The following NKAIN3 variants were observed in gnomAD, a reference collection of about 807,000 sequenced individuals.
NKAIN3 encodes sodium/potassium-transporting ATPase subunit beta-1-interacting protein 3.
In NKAIN3, 25 loss-of-function variants were observed where a neutral mutation model predicts 30.2. That is an observed-to-expected ratio of 0.83 (90% CI 0.60 to 1.16). The LOEUF (loss-of-function observed/expected upper bound fraction) is 1.16. Ranked by LOEUF, NKAIN3 falls within the 50% of genes most tolerant of loss-of-function variation. The pLI, the probability that NKAIN3 is intolerant of heterozygous loss-of-function variation, is 0.00. For missense variants in NKAIN3, 225 were observed against 254.1 expected (o/e 0.89, Z 0.78); for synonymous variants, 91 against 89.6 (o/e 1.02, Z -0.09).
chr8:62,409,314 AG>A, intron 1 of NKAIN3, among the ~76,000 whole-genome samples: 1 of 152,260 alleles, frequency 6.6e-6, no homozygotes, highest in Admixed American at 6.5e-5. Flanking sequence ...CCTGCCAAGT[AG>A]CTGGGATTAC....
At chr8:62,899,342 A>G (rs1821530954) in intron 4 of NKAIN3, among the ~76,000 whole-genome samples, 1 of 152,222 alleles carries the variant, frequency 6.6e-6, no homozygotes. Context: ...AATGTCCATC[A>G]ACAAATGAAT....
At chr8:62,493,205 C>A (rs984345860) in intron 1 of NKAIN3, among the ~76,000 whole-genome samples, 1 of 151,002 alleles carries the variant, frequency 6.6e-6, no homozygotes, top group Non-Finnish European at 1.5e-5. Flanking sequence ...CTTTTATCTA[C>A]CTTGAGGAAG....
At chr8:62,801,300 G>C (rs545884549) in intron 4 of NKAIN3, among the ~76,000 whole-genome samples, 2 of 152,156 alleles carry the variant, frequency 1.3e-5, no homozygotes, top group Admixed American at 6.5e-5. Flanking sequence ...ATCTGAGAAC[G>C]GGCAGACTGC....
chr8:62,453,645 GA>G (rs1005915335), intron 1 of NKAIN3, among the ~76,000 whole-genome samples: 3 of 151,794 alleles, frequency 2.0e-5, no homozygotes, highest in African/African-American at 7.3e-5. Context: ...GGCTAATAAA[GA>G]AAAAAAGAGA....
intron 3 of NKAIN3, among the ~76,000 whole-genome samples, chr8:62,692,573 T>C (rs11986003): frequency 0.071 from 10,626 of 148,650 alleles, 826 homozygotes; most frequent in African/African-American, 0.2. Flanking sequence ...GCAGTTCTCT[T>C]GTGCAGCATT....
At chr8:62,870,001 A>T (rs989847707) in intron 4 of NKAIN3, among the ~76,000 whole-genome samples, 2 of 150,964 alleles carry the variant, frequency 1.3e-5, no homozygotes, top group Non-Finnish European at 3.0e-5. Context: ...CGATCTCCTG[A>T]CCTCGTGATC....
At chr8:62,447,123 G>T (rs981035117) in intron 1 of NKAIN3, among the ~76,000 whole-genome samples, 7 of 151,956 alleles carry the variant, frequency 4.6e-5, no homozygotes, top group Non-Finnish European at 8.8e-5. Flanking sequence ...GGATAGTCTT[G>T]ACAATAAAAA....
intron 1 of NKAIN3, among the ~76,000 whole-genome samples, chr8:62,350,512 C>T (rs940890165): frequency 7.2e-5 from 11 of 151,892 alleles, no homozygotes; most frequent in Non-Finnish European, 1.5e-4. Context: ...CAGCGTGGGA[C>T]GATGATGAAA....
intron 4 of NKAIN3, among the ~76,000 whole-genome samples, chr8:62,831,983 T>G (rs1460160720): frequency 6.6e-6 from 1 of 151,920 alleles, no homozygotes; most frequent in Non-Finnish European, 1.5e-5. Flanking sequence ...TATCAGACCA[T>G]GTACAAAGAG....
intron 1 of NKAIN3, among the ~76,000 whole-genome samples, chr8:62,439,352 A>G (rs1377049500): frequency 6.6e-6 from 1 of 152,210 alleles, no homozygotes; most frequent in African/African-American, 2.4e-5. Context: ...TAGGACAATT[A>G]CTATGCAGCT....
At chr8:62,991,640 T>G (rs1824322997) in intron 5 of NKAIN3, among the ~76,000 whole-genome samples, 1 of 152,198 alleles carries the variant, frequency 6.6e-6, no homozygotes, top group South Asian at 2.1e-4. Flanking sequence ...TTTCAGAGTG[T>G]TTTTCTGAAA....
At chr8:62,250,686 G>A (rs1359033576) in intron 1 of NKAIN3, among the ~76,000 whole-genome samples, 1 of 152,132 alleles carries the variant, frequency 6.6e-6, no homozygotes, top group Non-Finnish European at 1.5e-5. Flanking sequence ...ATTTATCAAT[G>A]CAATTATGAT....
chr8:62,892,423 G>A (rs979261), intron 4 of NKAIN3, among the ~76,000 whole-genome samples: 31,794 of 152,066 alleles, frequency 0.21, 3,946 homozygotes, highest in East Asian at 0.54. Context: ...CTTATTAACT[G>A]ATGTGAGAAA....
In NKAIN3 at chr8:62,456,530, A is replaced by T. The variant is rs181519467; in HGVS notation, c.55-123009A>T. ...CGAGACTCCGTCTTAAAAAAAAAAA[A>T]AAATAAAAATAAGGAAATCTTTCTT... On this transcript the variant is annotated intron_variant, in intron 1 of 6. Transcript: ENST00000623646. 3.1e-3 allele frequency among the ~76,000 whole-genome samples: 467 copies of T among 152,156 alleles called. 1 individual carries two copies. The highest frequency in any genetic ancestry group is 6.5e-3 in the Admixed American group (100 of 15,290).
intron 6 of NKAIN3, among the ~76,000 whole-genome samples, chr8:62,963,880 C>T (rs564812410): frequency 7.2e-5 from 11 of 152,092 alleles, no homozygotes; most frequent in South Asian, 6.2e-4. Flanking sequence ...TGCTGTACAG[C>T]GAGAAGAGTG....
In NKAIN3 at chr8:62,720,373, T is replaced by C. The variant is rs368570031; in HGVS notation, c.274-26559T>C. On this transcript the variant is annotated intron_variant, in intron 3 of 6. Coordinates refer to ENST00000623646, the MANE Select transcript of NKAIN3 (RefSeq NM_001304533.3). ...TGTGTGTGGTACATTCTATTACAAC[T>C]CTCTGAATTTCAGAGCAGAATTCAT... Among the ~76,000 whole-genome samples, 13 of 152,276 alleles carry C rather than the reference T, an allele frequency of 8.5e-5. No homozygotes were observed. The East Asian group carries it at 1.9e-3, about 23-fold the overall frequency.
chr8:62,322,113 A>C (rs1020724144), intron 1 of NKAIN3, among the ~76,000 whole-genome samples: 4 of 152,172 alleles, frequency 2.6e-5, no homozygotes, highest in African/African-American at 9.6e-5. Context: ...CTGTGGGCGT[A>C]GGACCCTCCG....
chr8:62,407,796 A>G (rs1411289749), intron 1 of NKAIN3, among the ~76,000 whole-genome samples: 1 of 152,208 alleles, frequency 6.6e-6, no homozygotes, highest in Non-Finnish European at 1.5e-5. Flanking sequence ...GTTTAGGATG[A>G]TGACGTGGGA....
intron 3 of NKAIN3, among the ~76,000 whole-genome samples, chr8:62,619,906 T>A (rs1467707026): frequency 6.6e-6 from 1 of 152,140 alleles, no homozygotes; most frequent in African/African-American, 2.4e-5. Context: ...AGAAAGAATA[T>A]GCTATATACT....
Sources: gnomAD v4.1 joint callset for allele counts (sites outside exome capture counted in the v4.1 genomes callset) on GRCh38, gnomAD v4.1.1 for gene constraint, MANE v1.5 for transcripts, NCBI Gene and HGNC (gene_info 2026-07-23, HGNC 2026-07-21) for gene names.